Variants in KIF6 observed in about 807,000 individuals in gnomAD.
The protein encoded by KIF6 is kinesin-like protein KIF6.
In KIF6, 106 loss-of-function variants were observed where a neutral mutation model predicts 112.7. The ratio of observed to expected loss-of-function variants is 0.94; its 90% CI spans 0.80 to 1.11. The LOEUF (loss-of-function observed/expected upper bound fraction) is 1.11. Ranked by LOEUF, KIF6 falls within the 50% of genes least tolerant of loss-of-function variation. KIF6 has a pLI of 0.00. For missense variants in KIF6, 929 were observed against 964.0 expected, an observed-to-expected ratio of 0.96 and a Z score of 0.48; for synonymous variants, 339 against 339.9, an observed-to-expected ratio of 1.00 and a Z score of 0.03.
intron 13 of KIF6, among the ~76,000 whole-genome samples, chr6:39,472,005 T>G (rs1018725304): frequency 6.6e-6 from 1 of 152,208 alleles, no homozygotes; most frequent in African/African-American, 2.4e-5. Flanking sequence ...CACGTCCTCA[T>G]GCAAGAAGCA....
intron 10 of KIF6, among the ~76,000 whole-genome samples, chr6:39,577,040 TA>T (rs1781011444): frequency 6.6e-6 from 1 of 152,212 alleles, no homozygotes; most frequent in East Asian, 1.9e-4. Flanking sequence ...AGAAATGACA[TA>T]AAACTTTTTT....
chr6:39,476,065 G>A (rs1228838120), intron 13 of KIF6, among the ~76,000 whole-genome samples: 4 of 152,022 alleles, frequency 2.6e-5, no homozygotes, highest in Non-Finnish European at 5.9e-5. Context: ...GGGGAAGGAA[G>A]AGCATCAGTA....
Position 39,523,003 on chromosome 6 carries a change from C to T in KIF6, c.1645+17000G>A, listed in dbSNP as rs535494030. On this transcript the variant is annotated intron_variant, in intron 13 of 22. Transcript: ENST00000287152. ...TCTAATTAAGCCTTTGCTTTGAGCG[C>T]TAAAGCTATACATTCGTTTGCATAG... 2.0e-5 allele frequency among the ~76,000 whole-genome samples: 3 copies of T among 152,302 alleles called. No individual in the cohort carries two copies. The South Asian group carries it at 6.2e-4, about 32-fold the overall frequency.
At chr6:39,353,752 G>A (rs1387532175) in intron 19 of KIF6, 1 of 233,648 alleles carries the variant, frequency 4.3e-6, no homozygotes, top group Non-Finnish European at 8.6e-6. Context: ...CTGGGATGGC[G>A]GTGCTGTAGC....
intron 12 of KIF6, among the ~76,000 whole-genome samples, chr6:39,542,004 A>G (rs1778814988): frequency 6.6e-6 from 1 of 152,154 alleles, no homozygotes. Flanking sequence ...TAGAAGAACA[A>G]CAAGAAGGTA....
intron 10 of KIF6, among the ~76,000 whole-genome samples, chr6:39,570,781 T>C (rs911440916): frequency 6.6e-6 from 1 of 152,200 alleles, no homozygotes; most frequent in Non-Finnish European, 1.5e-5. Context: ...AGAAGGTGCC[T>C]GCTTCTCCTT....
At position 39,397,458 on chromosome 6, in the gene KIF6, G is replaced by A. The variant is rs765976639; in HGVS notation, c.1811-11786C>T. ...CAAAGAGGAAAGAGGAAGGAGAGAG[G>A]TGGAGATGGACATCCCACCATTTTA... On this transcript the variant is annotated intron_variant, in intron 15 of 22. Transcript: ENST00000287152. Among the ~76,000 whole-genome samples, 35 of 152,116 alleles carry A rather than the reference G, an allele frequency of 2.3e-4. 1 individual carries two copies. The highest frequency in any genetic ancestry group is 4.3e-4 in the Non-Finnish European group (29 of 68,030).
In KIF6 at chr6:39,375,118, G is replaced by A. The variant is rs1252076643; in HGVS notation, c.1861+10504C>T. On this transcript the variant is annotated intron_variant, in intron 16 of 22. Coordinates refer to ENST00000287152, the MANE Select transcript of KIF6 (RefSeq NM_145027.6). ...AAGTTAAATAAGCCAGGCACAGAAA[G>A]ACAAATAGTGCATGATCTCACTTAT... Among the ~76,000 whole-genome samples, 3 of 152,322 alleles carry A rather than the reference G, an allele frequency of 2.0e-5. No individual in the cohort carries two copies. The East Asian group carries it at 5.8e-4, about 29-fold the overall frequency.
chr6:39,523,580 T>A (rs1308511708), intron 13 of KIF6, among the ~76,000 whole-genome samples: 2 of 144,442 alleles, frequency 1.4e-5, no homozygotes, highest in East Asian at 4.1e-4. Flanking sequence ...CCTCTGCACA[T>A]TTGCTTGAGA....
At chr6:39,364,934 A>G (rs868657750) in intron 16 of KIF6, among the ~76,000 whole-genome samples, 3 of 152,212 alleles carry the variant, frequency 2.0e-5, no homozygotes, top group African/African-American at 4.8e-5. Context: ...GTTGGCCCCT[A>G]TTAAGCTTGT....
intron 14 of KIF6, among the ~76,000 whole-genome samples, chr6:39,423,192 T>C (rs1770504492): frequency 2.0e-5 from 3 of 152,116 alleles, no homozygotes; most frequent in Admixed American, 2.0e-4. Flanking sequence ...GGGCTGGGCT[T>C]GGAAGGGAGA....
intron 13 of KIF6, among the ~76,000 whole-genome samples, chr6:39,530,108 G>A (rs1057427073): frequency 2.0e-5 from 3 of 152,144 alleles, no homozygotes; most frequent in Admixed American, 6.5e-5. Flanking sequence ...CCCATTCTCC[G>A]TTCACCTTGG....
At chr6:39,514,994 T>C (rs1776993152) in intron 13 of KIF6, among the ~76,000 whole-genome samples, 1 of 152,188 alleles carries the variant, frequency 6.6e-6, no homozygotes. Context: ...AGACCTATAA[T>C]AAAATTAATG....
At chr6:39,427,444 T>C (rs985642788) in intron 14 of KIF6, among the ~76,000 whole-genome samples, 2 of 152,194 alleles carry the variant, frequency 1.3e-5, no homozygotes, top group Admixed American at 6.5e-5. Flanking sequence ...GAACATGTAA[T>C]ATCTAATAAT....
At chr6:39,466,893 A>G (rs762657835) in intron 13 of KIF6, among the ~76,000 whole-genome samples, 2 of 152,178 alleles carry the variant, frequency 1.3e-5, no homozygotes, top group African/African-American at 2.4e-5. Context: ...TGATGGCTCC[A>G]TGCCAGGAGA....
At chr6:39,552,660 C>A (rs1237704768) in intron 10 of KIF6, among the ~76,000 whole-genome samples, 2 of 152,192 alleles carry the variant, frequency 1.3e-5, no homozygotes, top group East Asian at 3.9e-4. Flanking sequence ...TTCCTGTGAA[C>A]TTTTAACCAG....
At position 39,673,463 on chromosome 6, in the gene KIF6, C is replaced by T. The variant is rs142609013; in HGVS notation, c.252-33706G>A. Among the ~76,000 whole-genome samples, 5 of 152,264 alleles carry T rather than the reference C, an allele frequency of 3.3e-5. No homozygotes were observed. The East Asian group carries it at 9.6e-4, about 29-fold the overall frequency. On this transcript the variant is annotated intron_variant, in intron 3 of 22. Coordinates refer to ENST00000287152, the MANE Select transcript of KIF6 (RefSeq NM_145027.6). Reference sequence around the variant, plus strand: ...AATAATTAAAACAATTTCATGAAATCTCTTATTATGTGCCATGTACTCCAA... The same window carrying T: ...AATAATTAAAACAATTTCATGAAATTTCTTATTATGTGCCATGTACTCCAA...
intron 6 of KIF6, among the ~76,000 whole-genome samples, chr6:39,599,509 C>A (rs565132782): frequency 2.2e-4 from 33 of 152,294 alleles, no homozygotes; most frequent in African/African-American, 7.9e-4. Flanking sequence ...GAAAATTTGA[C>A]CCATTACTTG....
Position 39,703,088 on chromosome 6 carries a change from A to G in KIF6, c.251+11604T>C, listed in dbSNP as rs1338080871. Among the ~76,000 whole-genome samples the G allele has an allele frequency of 1.4e-3, 4 of 2,938 alleles. 1 individual carries two copies. Among genetic ancestry groups the G allele is most frequent in the South Asian group, 0.014 (1 of 74 alleles). 1.9% of individuals were successfully genotyped at this position (2,938 alleles called of 152,430 possible). A position where few individuals can be genotyped will look rare whatever the true frequency, so the allele number is the denominator to read the frequency against. ...CAAAATCCACCAACCCCCCACCCCC[A>G]CTCCCGGCCACCAAGACAAAACAAA... is the stretch of plus-strand genomic sequence containing the variant. On this transcript the variant is annotated intron_variant, in intron 3 of 22. Transcript: ENST00000287152.
Sources: allele counts gnomAD v4.1 joint callset (sites outside exome capture counted in the v4.1 genomes callset), GRCh38; gene constraint gnomAD v4.1.1; transcripts MANE v1.5; gene names NCBI Gene and HGNC (gene_info 2026-07-23, HGNC 2026-07-21).